PTGIS: variants seen among roughly 807,000 people sequenced by gnomAD.
PTGIS encodes the protein prostaglandin I2 synthase.
In PTGIS, 45 loss-of-function variants were observed where a neutral mutation model predicts 50.3. The observed-to-expected ratio is 0.90, with a 90% CI of 0.70 to 1.15. PTGIS has a LOEUF of 1.15. Ranked by LOEUF, PTGIS falls within the 50% of genes most tolerant of loss-of-function variation. PTGIS has a pLI of 0.00. For synonymous variants in PTGIS, 260 were observed against 267.7 expected (o/e 0.97, Z 0.28); for missense variants, 668 against 661.3 (o/e 1.01, Z -0.11).
In PTGIS at chr20:49,511,178, A is replaced by G. The variant is rs759625236; in HGVS notation, c.1208T>C (p.Val403Ala). The change falls in exon 9 of 10, where the codon GTA (valine) becomes GCA (alanine). Residue 403 changes from valine (V) to alanine (A), a missense_variant and splice_region_variant. Transcript: ENST00000244043. Reference sequence around the variant, plus strand: ...GTTCAGGAATCGGTTGTATTTAAATACCTGAAATAGGAAGAAGGTCCTTTT... The same window carrying G: ...GTTCAGGAATCGGTTGTATTTAAATGCCTGAAATAGGAAGAAGGTCCTTTT... ...RDPEIYTDPEVFKYNRFLNPD... is the reference protein window; with the variant it reads ...RDPEIYTDPEAFKYNRFLNPD... 1 of 1,614,178 alleles carries G rather than the reference A, an allele frequency of 6.2e-7. No individual in the cohort carries two copies. Among genetic ancestry groups the G allele is most frequent in the South Asian group, 1.1e-5 (1 of 91,076 alleles).
chr20:49,508,489 C>T (rs538778014), intron 9 of PTGIS, among the ~76,000 whole-genome samples: 1 of 152,302 alleles, frequency 6.6e-6, no homozygotes, highest in South Asian at 2.1e-4. Context: ...AGTGGAACTA[C>T]ACCTCTGTTG....
intron 6 of PTGIS, among the ~76,000 whole-genome samples, chr20:49,516,252 C>A (rs1039847271): frequency 1.3e-5 from 2 of 152,058 alleles, no homozygotes; most frequent in African/African-American, 4.8e-5. Flanking sequence ...ACTTTCCTTG[C>A]AAATACCTTT....
rs780259112 is a variant in PTGIS, at chr20:49,507,973, C to T, written c.1450G>A (p.Gly484Ser). 9.3e-6 allele frequency: 15 copies of T among 1,613,610 alleles called. No individual in the cohort carries two copies. Among genetic ancestry groups the T allele is most frequent in the Admixed American group, 6.7e-5 (4 of 60,004 alleles). Residue 484 changes from glycine (G) to serine (S), a missense_variant, in exon 10 of 10, where the codon GGT (glycine) becomes AGT (serine). Transcript: ENST00000244043. ...ACGTCGTGTTCCGGCTGCATCAGAC[C>T]GAAGCCGTACCTGCTGAGGTCAAAC... ...PEFDLSRYGF[G>S]LMQPEHDVPV...
Position 49,539,588 on chromosome 20 carries a change from G to T in PTGIS, c.655C>A (p.Arg219Ser). The T allele has an allele frequency of 3.7e-6, 6 of 1,613,774 alleles. No individual in the cohort carries two copies. Among genetic ancestry groups the T allele is most frequent in the Non-Finnish European group, 5.1e-6 (6 of 1,179,950 alleles). Reference sequence around the variant, plus strand: ...TGCTTACCCACTGACAGGGAGCCACGGGCCAGTTTGGGGAGCAGCCGGTCG... The same window carrying T: ...TGCTTACCCACTGACAGGGAGCCACTGGCCAGTTTGGGGAGCAGCCGGTCG... ...QLDRLLPKLA[R>S]GSLSVGDKDH... The change falls in exon 5 of 10, where the codon CGT becomes AGT. Residue 219 changes from arginine (R) to serine (S), a missense_variant. Coordinates refer to ENST00000244043, the MANE Select transcript of PTGIS (RefSeq NM_000961.4).
At chr20:49,549,742 G>A (rs1163031426) in intron 2 of PTGIS, among the ~76,000 whole-genome samples, 1 of 152,176 alleles carries the variant, frequency 6.6e-6, no homozygotes, top group African/African-American at 2.4e-5. Context: ...AATGGGATGG[G>A]AAGATGGATG....
chr20:49,551,810 G>GTT (rs1555805345), intron 1 of PTGIS, among the ~76,000 whole-genome samples: 3 of 84,454 alleles, frequency 3.6e-5, no homozygotes, highest in African/African-American at 2.7e-4. Flanking sequence ...ATGTGTTTGT[G>GTT]TGTGTGTGTG....
At chr20:49,550,282 G>A (rs975105724) in intron 1 of PTGIS, 93 bp from the exon 2 acceptor site, 96 of 1,529,216 alleles carry the variant, frequency 6.3e-5, no homozygotes, top group East Asian at 9.0e-5. Flanking sequence ...TGGAGCAGTC[G>A]GGGAGGTAAT....
intron 6 of PTGIS, among the ~76,000 whole-genome samples, chr20:49,519,480 C>T (rs2122849060): frequency 6.6e-6 from 1 of 152,136 alleles, no homozygotes; most frequent in Middle Eastern, 3.4e-3. Context: ...CCCGGCTCTC[C>T]TCCCACCTTC....
At chr20:49,510,765 G>C (rs1006393937) in intron 9 of PTGIS, among the ~76,000 whole-genome samples, 8 of 152,210 alleles carry the variant, frequency 5.3e-5, no homozygotes, top group African/African-American at 1.7e-4. Context: ...TTTGGAATCT[G>C]GACACCAGTC....
Position 49,568,061 on chromosome 20 carries a change from A to T in PTGIS, c.56T>A (p.Leu19Gln), listed in dbSNP as rs1982952130. ...LLAALLLLLL[L>Q]SRRRTRRPGE... Reference sequence around the variant, plus strand: ...CACTCACCGCGTGCGGCGGCGGCTCAGTAGCAGCAGCAGCAACAGTGCGGC... The same window carrying T: ...CACTCACCGCGTGCGGCGGCGGCTCTGTAGCAGCAGCAGCAACAGTGCGGC... The change falls in exon 1 of 10, where the codon CTG becomes CAG. Residue 19 changes from leucine to glutamine, a missense_variant. Leu to Gln is a moderately radical substitution (Grantham distance 113). Coordinates refer to ENST00000244043, the MANE Select transcript of PTGIS (RefSeq NM_000961.4). 4 of 1,483,606 alleles carry T rather than the reference A, an allele frequency of 2.7e-6. No homozygotes were observed. In the East Asian group the frequency reaches 8.7e-5, roughly 32 times the overall value. The allele number at this position is 1,483,606 out of a possible 1,614,324, so 91.9% of individuals were successfully genotyped here. A position where few individuals can be genotyped will look rare whatever the true frequency, so the allele number is the denominator to read the frequency against.
Position 49,531,924 on chromosome 20 carries a change from G to A in PTGIS, c.673+7646C>T, listed in dbSNP as rs532033043. On this transcript the variant is annotated intron_variant, in intron 5 of 9. Coordinates refer to ENST00000244043, the MANE Select transcript of PTGIS (RefSeq NM_000961.4). ...GGATTACAGGTGTGAGCCACTGTGC[G>A]CAGCCTCATGCTGTATTTTAATGTC... is the stretch of plus-strand genomic sequence containing the variant. Among the ~76,000 whole-genome samples, 12 of 152,238 alleles carry A rather than the reference G, an allele frequency of 7.9e-5. No individual in the cohort carries two copies. In the South Asian group the frequency reaches 1.0e-3, roughly 13 times the overall value.
At chr20:49,567,228 T>C (rs1982921954) in intron 1 of PTGIS, among the ~76,000 whole-genome samples, 1 of 152,212 alleles carries the variant, frequency 6.6e-6, no homozygotes, top group African/African-American at 2.4e-5. Flanking sequence ...AAATATTTTA[T>C]GAAAAGGAGA....
chr20:49,533,546 G>GA (rs140836629), intron 5 of PTGIS, among the ~76,000 whole-genome samples: 2,210 of 151,632 alleles, frequency 0.015, 51 homozygotes, highest in African/African-American at 0.051. Context: ...TATGCATACA[G>GA]AAAAAAAAGA....
chr20:49,524,635 T>A (rs1981749163), intron 5 of PTGIS, among the ~76,000 whole-genome samples: 1 of 152,148 alleles, frequency 6.6e-6, no homozygotes, highest in Admixed American at 6.5e-5. Flanking sequence ...TTTTAAAAAA[T>A]AGGTTTAATG....
chr20:49,546,605 A>T (rs971363538), intron 3 of PTGIS, among the ~76,000 whole-genome samples: 1 of 152,210 alleles, frequency 6.6e-6, no homozygotes, highest in Non-Finnish European at 1.5e-5. Context: ...ATCTTAGATG[A>T]AGGAGAATGC....
intron 1 of PTGIS, among the ~76,000 whole-genome samples, chr20:49,551,806 T>TTGTG (rs58517059): frequency 0.011 from 1,560 of 142,648 alleles, 16 homozygotes; most frequent in South Asian, 0.028. Context: ...GTGTATGTGT[T>TTGTG]TGTGTGTGTG....
chr20:49,508,921 G>C (rs1208570222), intron 9 of PTGIS, among the ~76,000 whole-genome samples: 1 of 152,210 alleles, frequency 6.6e-6, no homozygotes, highest in Non-Finnish European at 1.5e-5. Flanking sequence ...TAAGGGTCAG[G>C]AGAATATCTT....
intron 7 of PTGIS, 72 bp downstream of exon 7, chr20:49,514,155 T>G: frequency 2.8e-5 from 44 of 1,551,540 alleles, no homozygotes; most frequent in Non-Finnish European, 3.6e-5. Context: ...CAGGAGTCCA[T>G]GTTGGGGAGG....
At position 49,568,122 on chromosome 20, in the gene PTGIS, G is replaced by GGCTGGCGGA. The variant is rs1982955773; in HGVS notation, c.-7_-6insTCCGCCAGC. Reference sequence around the variant, plus strand: ...AGGAGCGCGGCCCAAGCCATCGCGGGGCTGGCGGGGCTGGCGGGGCTGGCG... The same window carrying GGCTGGCGGA: ...AGGAGCGCGGCCCAAGCCATCGCGGGGCTGGCGGAGCTGGCGGGGCTGGCGGGGCTGGCG... On this transcript the variant is annotated 5_prime_UTR_variant, in exon 1 of 10. Transcript: ENST00000244043. 2 of 1,072,366 alleles carry GGCTGGCGGA rather than the reference G, an allele frequency of 1.9e-6. No homozygotes were observed. The highest frequency in any genetic ancestry group is 2.4e-6 in the Non-Finnish European group (2 of 817,374). The allele number at this position is 1,072,366 out of a possible 1,614,324, so 66.4% of individuals were successfully genotyped here.
Sources: gnomAD v4.1 joint callset for allele counts (sites outside exome capture counted in the v4.1 genomes callset) on GRCh38, gnomAD v4.1.1 for gene constraint, MANE v1.5 for transcripts, NCBI Gene and HGNC (gene_info 2026-07-23, HGNC 2026-07-21) for gene names.